Variants in PTPRD observed in about 807,000 individuals in gnomAD.
PTPRD encodes the protein protein tyrosine phosphatase receptor type D.
PTPRD carries 34 observed loss-of-function variants against 214.5 expected under a neutral mutation model. The ratio of observed to expected loss-of-function variants is 0.16; its 90% CI spans 0.12 to 0.21. The LOEUF is 0.21. Ranked by LOEUF, PTPRD falls within the 10% of genes least tolerant of loss-of-function variation. PTPRD has a pLI of 1.00. For missense variants in PTPRD, 2,545 were observed against 2,398.7 expected (o/e 1.06, Z -1.27); for synonymous variants, 1,128 against 845.7 (o/e 1.33, Z -5.79).
At chr9:9,452,615 A>G (rs2092405131) in intron 8 of PTPRD, among the ~76,000 whole-genome samples, 2 of 151,280 alleles carry the variant, frequency 1.3e-5, no homozygotes, top group African/African-American at 2.4e-5. Context: ...TCTTTATACA[A>G]TTATCACTCT....
chr9:9,819,750 T>G (rs2153568996), intron 5 of PTPRD, among the ~76,000 whole-genome samples: 1 of 152,234 alleles, frequency 6.6e-6, no homozygotes, highest in South Asian at 2.1e-4. Context: ...CACTTATGAG[T>G]GAGAACATGT....
intron 10 of PTPRD, among the ~76,000 whole-genome samples, chr9:9,058,442 G>GTTTATTTTTTTTTTTT (rs2099700388): frequency 1.4e-5 from 1 of 69,900 alleles, no homozygotes; most frequent in Non-Finnish European, 2.6e-5. Flanking sequence ...TATTATGAGG[G>GTTTATTTTTTTTTTTT]TTTTTTTTTT....
intron 8 of PTPRD, among the ~76,000 whole-genome samples, chr9:9,501,135 A>C (rs1330844311): frequency 6.6e-6 from 1 of 152,050 alleles, no homozygotes; most frequent in Non-Finnish European, 1.5e-5. Flanking sequence ...AAGCAAGGTA[A>C]AAACTTAAAT....
intron 3 of PTPRD, among the ~76,000 whole-genome samples, chr9:10,079,533 T>C (rs1277240683): frequency 6.6e-6 from 1 of 152,120 alleles, no homozygotes. Context: ...GCCACTGCAC[T>C]GCCACATGTT....
intron 11 of PTPRD, among the ~76,000 whole-genome samples, chr9:8,799,291 G>A (rs2096521537): frequency 6.6e-6 from 1 of 152,196 alleles, no homozygotes; most frequent in Admixed American, 6.6e-5. Flanking sequence ...CACAGATAAT[G>A]CTAGAAAGTG....
Position 9,156,489 on chromosome 9 carries a change from C to T in PTPRD, c.-143+26815G>A, listed in dbSNP as rs151104125. Among the ~76,000 whole-genome samples, 205 of 151,468 alleles carry T rather than the reference C, an allele frequency of 1.4e-3. 2 individuals are homozygous for T. Among genetic ancestry groups the T allele is most frequent in the African/African-American group, 4.7e-3 (194 of 41,420 alleles). ...ATAAGTATATATTAATTAAAAAGCA[C>T]CTCAAACTTAAAAATAAATTTATTT... is the stretch of plus-strand genomic sequence containing the variant. On this transcript the variant is annotated intron_variant, in intron 10 of 45. Coordinates refer to ENST00000381196, the MANE Select transcript of PTPRD (RefSeq NM_002839.4).
intron 14 of PTPRD, among the ~76,000 whole-genome samples, chr9:8,544,393 T>C (rs2079352028): frequency 6.7e-6 from 1 of 150,320 alleles, no homozygotes; most frequent in African/African-American, 2.4e-5. Flanking sequence ...CCATTACTTT[T>C]CAATGGTAAA....
At chr9:10,095,405 C>T (rs963440904) in intron 3 of PTPRD, among the ~76,000 whole-genome samples, 1 of 151,412 alleles carries the variant, frequency 6.6e-6, no homozygotes, top group African/African-American at 2.4e-5. Flanking sequence ...GCATTATCCA[C>T]AACATACCTG....
At chr9:10,428,721 G>A (rs75440885) in intron 2 of PTPRD, among the ~76,000 whole-genome samples, 4,611 of 152,074 alleles carry the variant, frequency 0.03, 122 homozygotes, top group East Asian at 0.092. Flanking sequence ...TAAAATCTAT[G>A]GAATATTCTA....
intron 9 of PTPRD, among the ~76,000 whole-genome samples, chr9:9,194,653 C>T (rs2099937210): frequency 6.6e-6 from 1 of 152,040 alleles, no homozygotes; most frequent in South Asian, 2.1e-4. Flanking sequence ...TGTGCAAAGG[C>T]AAATAAGAAG....
At chr9:9,576,650 T>C (rs1267910852) in intron 7 of PTPRD, among the ~76,000 whole-genome samples, 1 of 152,168 alleles carries the variant, frequency 6.6e-6, no homozygotes, top group African/African-American at 2.4e-5. Flanking sequence ...AAAGGTTGAG[T>C]ATTAGAATTA....
chr9:10,246,200 G>C (rs957072435), intron 3 of PTPRD, among the ~76,000 whole-genome samples: 1 of 152,086 alleles, frequency 6.6e-6, no homozygotes, highest in Non-Finnish European at 1.5e-5. Context: ...ATGAGTCTCT[G>C]TATTCATAAA....
At chr9:9,399,878 C>G (rs1420456420) in intron 8 of PTPRD, among the ~76,000 whole-genome samples, 1 of 152,132 alleles carries the variant, frequency 6.6e-6, no homozygotes, top group African/African-American at 2.4e-5. Flanking sequence ...AACAGCTTTC[C>G]TCTACTAAAT....
intron 9 of PTPRD, among the ~76,000 whole-genome samples, chr9:9,360,457 T>C (rs1009120833): frequency 1.3e-5 from 2 of 151,170 alleles, no homozygotes; most frequent in Non-Finnish European, 3.0e-5. Flanking sequence ...TTCCTGAAAA[T>C]AAATATTGAA....
intron 8 of PTPRD, among the ~76,000 whole-genome samples, chr9:9,567,657 T>C (rs752190300): frequency 6.6e-6 from 1 of 151,938 alleles, no homozygotes; most frequent in Non-Finnish European, 1.5e-5. Flanking sequence ...ATACCACTGG[T>C]TGCCTAGCAA....
chr9:10,286,638 C>T (rs1048188931), intron 3 of PTPRD, among the ~76,000 whole-genome samples: 19 of 152,034 alleles, frequency 1.2e-4, no homozygotes, highest in Non-Finnish European at 2.5e-4. Context: ...TGCACTCTCT[C>T]CCGGGCTGGA....
At chr9:10,251,499 G>T (rs1477448451) in intron 3 of PTPRD, among the ~76,000 whole-genome samples, 1 of 151,838 alleles carries the variant, frequency 6.6e-6, no homozygotes, top group African/African-American at 2.4e-5. Flanking sequence ...TTTACAACAA[G>T]TTGCTTAGCT....
intron 11 of PTPRD, among the ~76,000 whole-genome samples, chr9:8,934,451 T>TATATA (rs1567098330): frequency 7.3e-5 from 1 of 13,670 alleles, no homozygotes; most frequent in South Asian, 2.2e-3. Context: ...ATATATAAAT[T>TATATA]TATATATATA....
chr9:9,735,688 T>C (rs1239023462), intron 6 of PTPRD, among the ~76,000 whole-genome samples: 1 of 152,082 alleles, frequency 6.6e-6, no homozygotes, highest in Non-Finnish European at 1.5e-5. Context: ...GAGTAAGTAA[T>C]GGATCTTGTC....
Sources: allele counts gnomAD v4.1 joint callset (sites outside exome capture counted in the v4.1 genomes callset), GRCh38; gene constraint gnomAD v4.1.1; transcripts MANE v1.5; gene names NCBI Gene and HGNC (gene_info 2026-07-23, HGNC 2026-07-21).